The following GCN1 variants were observed in gnomAD, a reference collection of about 807,000 sequenced individuals.
The protein encoded by GCN1 is stalled ribosome sensor GCN1.
In GCN1, 90 loss-of-function variants were observed where a neutral mutation model predicts 288.4. That is an observed-to-expected ratio of 0.31 (90% CI 0.26 to 0.37). The LOEUF is 0.37. GCN1 is among the 10% of genes least tolerant of loss of function. GCN1 has a pLI of 1.00. For synonymous variants in GCN1, 1,386 were observed against 1,420.2 expected (o/e 0.98, Z 0.54); for missense variants, 2,586 against 3,419.9 (o/e 0.76, Z 6.08).
At chr12:120,133,755 TTACTTGCCTCATC>T (rs1876905953) in intron 53 of GCN1, among the ~76,000 whole-genome samples, 1 of 152,192 alleles carries the variant, frequency 6.6e-6, no homozygotes, top group Non-Finnish European at 1.5e-5. Flanking sequence ...TCTACAAAGC[TTACTTGCCTCATC>T]TATAAAATAG....
At chr12:120,136,460 G>A in intron 51 of GCN1, 42 bp downstream of exon 51, 1 of 1,460,756 alleles carries the variant, frequency 6.8e-7, no homozygotes, top group Non-Finnish European at 9.6e-7. Flanking sequence ...CCTGCAGACA[G>A]ACCTGTTCTC....
chr12:120,143,735 T>A (rs985389614), intron 42 of GCN1, among the ~76,000 whole-genome samples: 1 of 152,250 alleles, frequency 6.6e-6, no homozygotes, highest in East Asian at 1.9e-4. Context: ...TTGAAATATA[T>A]TCCCATAAGT....
chr12:120,131,615 ATTGT>A (rs1009246592), intron 54 of GCN1, among the ~76,000 whole-genome samples: 96 of 152,290 alleles, frequency 6.3e-4, no homozygotes, highest in African/African-American at 1.2e-3. Flanking sequence ...CAAATTCAGT[ATTGT>A]TTGTTTGTTT....
intron 45 of GCN1, among the ~76,000 whole-genome samples, chr12:120,139,486 G>A (rs1041685695): frequency 3.3e-5 from 5 of 152,164 alleles, no homozygotes; most frequent in Admixed American, 6.5e-5. Context: ...AATTAGCTAC[G>A]TGTGGTGGTG....
At chr12:120,157,097 C>G in intron 26 of GCN1, 105 bp from the exon 27 acceptor site, 1 of 717,518 alleles carries the variant, frequency 1.4e-6, no homozygotes. Flanking sequence ...CATTCTGGAT[C>G]ATACAACCGG....
At chr12:120,150,118 C>A in intron 34 of GCN1, 75 bp from the exon 35 acceptor site, 3 of 1,478,900 alleles carry the variant, frequency 2.0e-6, no homozygotes, top group Admixed American at 1.9e-5. Context: ...GAAGGGACAG[C>A]AACCTCCCTG....
At position 120,129,744 on chromosome 12, in the gene GCN1, C is replaced by A. The variant is rs556304327; in HGVS notation, c.7672-250G>T. Among the ~76,000 whole-genome samples the A allele has an allele frequency of 1.2e-4, 19 of 152,312 alleles. No homozygotes were observed. The South Asian group carries it at 3.9e-3, about 32-fold the overall frequency. On this transcript the variant is annotated intron_variant, in intron 56 of 57. Transcript: ENST00000300648. ...ACATCCCAGGGCCTCGGGCCTCTGC[C>A]CTGGCTGGTCCCACAGCTTGGGCCG...
At chr12:120,150,579 CAA>C (rs1268790703) in intron 34 of GCN1, among the ~76,000 whole-genome samples, 1 of 137,032 alleles carries the variant, frequency 7.3e-6, no homozygotes, top group African/African-American at 2.7e-5. Flanking sequence ...GACTCCATCT[CAA>C]AAAAAAAAGA....
chr12:120,149,811 C>T lies in GCN1; in HGVS notation c.4432-91G>A, dbSNP rs530538221. 1.3e-4 allele frequency: 207 copies of T among 1,533,388 alleles called. 1 individual carries two copies. The Admixed American group carries it at 1.6e-3, about 11-fold the overall frequency. 95.0% of individuals were successfully genotyped at this position (1,533,388 alleles called of 1,614,324 possible). ...GTCCTAGCGTTCCTCCTATAACCAA[C>T]GCTTACTGGGGTTCTATTATGTCAG... On this transcript the variant is annotated intron_variant, in intron 35 of 57. Coordinates refer to ENST00000300648, the MANE Select transcript of GCN1 (RefSeq NM_006836.2).
At chr12:120,146,698 G>A (rs1877374242) in intron 38 of GCN1, among the ~76,000 whole-genome samples, 1 of 152,164 alleles carries the variant, frequency 6.6e-6, no homozygotes, top group African/African-American at 2.4e-5. Flanking sequence ...GCTCTTGGGA[G>A]CAAACAAACA....
Position 120,137,603 on chromosome 12 carries a change from T to C in GCN1, c.6605A>G (p.Asn2202Ser), listed in dbSNP as rs61742548. 9.3e-4 allele frequency: 1,505 copies of C among 1,614,178 alleles called. 6 individuals are homozygous for C. The African/African-American group carries it at 0.013, about 14-fold the overall frequency. ...CTCCAGAACCACAGGGCTGGAGTCA[T>C]TGAAGAGGCGGATCAGGCCCGAGAC... The part of the protein sequence containing the change: ...SLVSGLIRLF[N>S]DSSPVVLEES... The change falls in exon 49 of 58, where the codon AAT becomes AGT. Residue 2202 changes from asparagine to serine, a missense_variant. Asn to Ser is a conservative substitution (Grantham distance 46). Transcript: ENST00000300648. The surrounding 1 kb of genome is among the most constrained non-coding windows in gnomAD (Gnocchi z 5.2).
At chr12:120,184,740 G>A (rs1878768575) in intron 3 of GCN1, 84 bp downstream of exon 3, 2 of 997,052 alleles carry the variant, frequency 2.0e-6, no homozygotes, top group Non-Finnish European at 3.2e-6. Context: ...AGGCAGTCTG[G>A]CTCTAATCTG....
Position 120,131,178 on chromosome 12 carries a change from G to A in GCN1, c.7563+7C>T, listed in dbSNP as rs1441725149. ...TATGCCTATGGGATATGGCCCGAAT[G>A]CCTTACCCTGTCCGCCGTGGCACTG... On this transcript the variant is annotated splice_region_variant and intron_variant, in intron 55 of 57. Transcript: ENST00000300648. 1 of 1,613,586 alleles carries A rather than the reference G, an allele frequency of 6.2e-7. No individual in the cohort carries two copies. The highest frequency in any genetic ancestry group is 1.3e-5 in the African/African-American group (1 of 74,916).
intron 16 of GCN1, among the ~76,000 whole-genome samples, chr12:120,166,401 CAA>C (rs1190939956): frequency 2.0e-4 from 9 of 44,882 alleles, no homozygotes; most frequent in African/African-American, 3.3e-4. Flanking sequence ...GAGACTGTCT[CAA>C]AAAAAAAAAA....
chr12:120,156,540 A>G lies in GCN1; in HGVS notation c.3233T>C (p.Phe1078Ser). The G allele has an allele frequency of 6.2e-7, 1 of 1,614,018 alleles. No individual in the cohort carries two copies. Residue 1078 changes from phenylalanine (F) to serine (S), a missense_variant, in exon 28 of 58, where the codon TTT becomes TCT. By Grantham distance (155) the Phe-to-Ser change is radical. Transcript: ENST00000300648. The surrounding 1 kb of genome is among the most constrained non-coding windows in gnomAD (Gnocchi z 5.8). ...ASSSGDDGCA[F>S]AEQEEVDVLL... ...CACGTCCACCTCCTCCTGCTCTGCAAAGGCACAGCCATCATCACCACTGCT... is the reference window on the plus strand; with the variant it reads ...CACGTCCACCTCCTCCTGCTCTGCAGAGGCACAGCCATCATCACCACTGCT...
At chr12:120,157,773 G>T in intron 26 of GCN1, 76 bp downstream of exon 26, 1 of 1,160,662 alleles carries the variant, frequency 8.6e-7, no homozygotes, top group Non-Finnish European at 1.3e-6. Context: ...AACTGTTCAT[G>T]AGACAAAACG....
intron 16 of GCN1, among the ~76,000 whole-genome samples, chr12:120,165,879 C>T (rs1283504696): frequency 2.0e-5 from 3 of 151,856 alleles, no homozygotes; most frequent in African/African-American, 7.3e-5. Context: ...GCAACCTCCG[C>T]CTCTTGGGTT....
chr12:120,129,574 A>C, intron 56 of GCN1, 80 bp from the exon 57 acceptor site: 1 of 1,014,686 alleles, frequency 9.9e-7, no homozygotes, highest in Non-Finnish European at 1.6e-6. Context: ...CAGCCTCGAC[A>C]CTCTCCCTAC....
At chr12:120,128,325 T>A (rs1876685653) in intron 57 of GCN1, among the ~76,000 whole-genome samples, 2 of 151,440 alleles carry the variant, frequency 1.3e-5, no homozygotes, top group African/African-American at 4.8e-5. Context: ...CAGTGGGAGT[T>A]GCAGCTTTTG....
Sources: gnomAD v4.1 joint callset for allele counts (sites outside exome capture counted in the v4.1 genomes callset) on GRCh38, gnomAD v4.1.1 for gene constraint, Gnocchi (gnomAD v3.1) non-coding constraint, MANE v1.5 for transcripts, NCBI Gene and HGNC (gene_info 2026-07-23, HGNC 2026-07-21) for gene names.